Variants in LYPLA1 observed in about 807,000 individuals in gnomAD.
The protein encoded by LYPLA1 is lysophospholipase 1.
Under a neutral mutation model 34.0 loss-of-function variants are expected in LYPLA1, and 17 were observed. That is an observed-to-expected ratio of 0.50 (90% CI 0.34 to 0.75). The LOEUF is 0.75. Among genes scored for constraint, LYPLA1 ranks in the 30% least tolerant of loss-of-function variants. The probability of loss-of-function intolerance (pLI) is 0.01; values close to 1 mark genes in which losing one functional copy is unlikely to be tolerated. For synonymous variants in LYPLA1, 98 were observed against 100.8 expected, an observed-to-expected ratio of 0.97 and a Z score of 0.17; for missense variants, 203 against 288.8, an observed-to-expected ratio of 0.70 and a Z score of 2.15.
intron 2 of LYPLA1, among the ~76,000 whole-genome samples, chr8:54,099,621 C>T (rs2129375774): frequency 6.6e-6 from 1 of 152,216 alleles, no homozygotes; most frequent in Non-Finnish European, 1.5e-5. Flanking sequence ...AAGATCACGC[C>T]ACTGCCCTCC....
chr8:54,060,620 A>G (rs1806535241), intron 5 of LYPLA1, among the ~76,000 whole-genome samples: 1 of 152,096 alleles, frequency 6.6e-6, no homozygotes, highest in Non-Finnish European at 1.5e-5. Context: ...CCTAGCTTGT[A>G]AACAGTTATG....
chr8:54,088,553 T>A (rs1586167472), intron 2 of LYPLA1, among the ~76,000 whole-genome samples: 1 of 152,226 alleles, frequency 6.6e-6, no homozygotes, highest in South Asian at 2.1e-4. Context: ...AAAACTGTCC[T>A]GGAGTTCTTC....
At position 54,055,076 on chromosome 8, in the gene LYPLA1, A is replaced by C. The variant is rs906921531; in HGVS notation, c.344T>G (p.Leu115Trp). The C allele has an allele frequency of 6.2e-7, 1 of 1,607,388 alleles. No homozygotes were observed. Among genetic ancestry groups the C allele is most frequent in the Non-Finnish European group, 8.5e-7 (1 of 1,174,598 alleles). Residue 115 changes from leucine (L) to tryptophan (W), a missense_variant, in exon 6 of 9, where the codon TTG becomes TGG. Around this residue, in one of 3 missense-constraint regions of LYPLA1, gnomAD observed 123 missense variants for 199.2 expected, o/e 0.62. Coordinates refer to ENST00000316963, the MANE Select transcript of LYPLA1 (RefSeq NM_006330.4). ...KNGIPSNRII[L>W]GGFSQGGALS... ...TTATCTTACCTGAGAAAACCCTCCC[A>C]AAATAATTCTGTTAGAAGGAATGCC...
At chr8:54,043,273 C>T (rs1333754651), downstream of LYPLA1, 1 of 151,942 alleles carries the variant, frequency 6.6e-6, no homozygotes, top group African/African-American at 2.4e-5. Context: ...AACCTTTTTT[C>T]AAATCTGCAT....
intron 2 of LYPLA1, among the ~76,000 whole-genome samples, chr8:54,085,617 C>G (rs1283097878): frequency 6.6e-6 from 1 of 151,752 alleles, no homozygotes; most frequent in African/African-American, 2.4e-5. Context: ...AGGAGCGCCT[C>G]TGCCTGGCCG....
chr8:54,074,574 G>A (rs961282531), intron 2 of LYPLA1, among the ~76,000 whole-genome samples: 2 of 152,188 alleles, frequency 1.3e-5, no homozygotes, highest in Admixed American at 6.5e-5. Context: ...TCGCCTAGTT[G>A]CTAATGCAAT....
intron 2 of LYPLA1, among the ~76,000 whole-genome samples, chr8:54,066,737 C>T (rs1049866762): frequency 7.3e-5 from 11 of 150,714 alleles, no homozygotes; most frequent in Non-Finnish European, 3.0e-5. Context: ...GCCGAGATCA[C>T]GCCACTGCAC....
chr8:54,068,360 C>A (rs1807234278), intron 2 of LYPLA1, among the ~76,000 whole-genome samples: 2 of 152,042 alleles, frequency 1.3e-5, no homozygotes, highest in Non-Finnish European at 2.9e-5. Context: ...CATATTAGAA[C>A]CCGATCTAAA....
chr8:54,097,834 G>A (rs1418464751), intron 2 of LYPLA1, among the ~76,000 whole-genome samples: 1 of 152,208 alleles, frequency 6.6e-6, no homozygotes, highest in Non-Finnish European at 1.5e-5. Flanking sequence ...GACATAGGAA[G>A]AGATTAACAA....
At chr8:54,083,949 C>A (rs1187027260) in intron 2 of LYPLA1, among the ~76,000 whole-genome samples, 10 of 150,790 alleles carry the variant, frequency 6.6e-5, no homozygotes, top group African/African-American at 2.5e-4. Flanking sequence ...ACTAGCCTGG[C>A]CAATGTGGTG....
At chr8:54,092,900 G>A (rs1351703016) in intron 2 of LYPLA1, among the ~76,000 whole-genome samples, 3 of 152,156 alleles carry the variant, frequency 2.0e-5, no homozygotes, top group African/African-American at 7.2e-5. Flanking sequence ...TCATTATCCT[G>A]TAGTAATATG....
intron 2 of LYPLA1, among the ~76,000 whole-genome samples, chr8:54,084,583 A>C (rs1808566823): frequency 6.6e-6 from 1 of 152,172 alleles, no homozygotes; most frequent in Admixed American, 6.5e-5. Context: ...AAAAAAAGAG[A>C]GAGACTATCA....
chr8:54,085,675 G>T (rs550694395), intron 2 of LYPLA1, among the ~76,000 whole-genome samples: 1 of 150,650 alleles, frequency 6.6e-6, no homozygotes, highest in East Asian at 2.0e-4. Context: ...CCGTCACCCC[G>T]TCCGGGAGGT....
chr8:54,075,137 C>T (rs1299687759), intron 2 of LYPLA1, among the ~76,000 whole-genome samples: 1 of 152,182 alleles, frequency 6.6e-6, no homozygotes, highest in African/African-American at 2.4e-5. Flanking sequence ...ACAGATGCAA[C>T]TGAACCTAGC....
At position 54,089,503 on chromosome 8, in the gene LYPLA1, G is replaced by GGC. The variant is rs1219468184; in HGVS notation, c.101+11404_101+11405insGC. ...ATTTCAGACATCCCTGGGGGGGGGC[G>GGC]GGATCTTTGAACATATGTGACAATA... On this transcript the variant is annotated intron_variant, in intron 2 of 8. Coordinates refer to ENST00000316963, the MANE Select transcript of LYPLA1 (RefSeq NM_006330.4). 7.9e-4 allele frequency among the ~76,000 whole-genome samples: 110 copies of GGC among 138,424 alleles called. 16 individuals are homozygous for GGC. Among genetic ancestry groups the GGC allele is most frequent in the African/African-American group, 3.2e-3 (104 of 32,316 alleles). 90.8% of individuals were successfully genotyped at this position (138,424 alleles called of 152,430 possible).
chr8:54,055,645 ATTT>A (rs201781407), intron 5 of LYPLA1, among the ~76,000 whole-genome samples: 7 of 142,210 alleles, frequency 4.9e-5, no homozygotes, highest in Non-Finnish European at 9.3e-5. Context: ...AATCCTAATT[ATTT>A]TTTTTTTTTT....
rs1554547911 is a variant in LYPLA1 at position 54,084,124 on chromosome 8, G to GGAAAAA, written c.101+16783_101+16784insTTTTTC. Among the ~76,000 whole-genome samples the GGAAAAA allele has an allele frequency of 5.0e-4, 28 of 56,188 alleles. 1 individual carries two copies. The highest frequency in any genetic ancestry group is 2.4e-3 in the African/African-American group (27 of 11,034). 36.9% of individuals were successfully genotyped at this position (56,188 alleles called of 152,430 possible). On this transcript the variant is annotated intron_variant, in intron 2 of 8. Transcript: ENST00000316963. ...CTGCACTCCAGCCTGGGAGACCAAA[G>GGAAAAA]AAAAAAAAAATAAATAAATATATAT...
chr8:54,055,251 T>C, intron 5 of LYPLA1, 118 bp from the exon 6 acceptor site: 1 of 600,258 alleles, frequency 1.7e-6, no homozygotes, highest in Non-Finnish European at 3.0e-6. Flanking sequence ...TGGAAATGAG[T>C]GAAAAATTCA....
chr8:54,058,042 A>C (rs1806335690), intron 5 of LYPLA1, among the ~76,000 whole-genome samples: 1 of 152,214 alleles, frequency 6.6e-6, no homozygotes. Context: ...CAAGAGATGG[A>C]TTTTTAAAAA....
Sources: allele counts gnomAD v4.1 joint callset (sites outside exome capture counted in the v4.1 genomes callset), GRCh38; gene constraint gnomAD v4.1.1; regional missense constraint gnomAD v4.1.1; transcripts MANE v1.5; gene names NCBI Gene and HGNC (gene_info 2026-07-23, HGNC 2026-07-21).